GALNT10: variants seen among roughly 807,000 people sequenced by gnomAD.
The protein encoded by GALNT10 is GalNAc transferase 10.
In GALNT10, 41 loss-of-function variants were observed where a neutral mutation model predicts 75.0. The ratio of observed to expected loss-of-function variants is 0.55; its 90% confidence interval spans 0.43 to 0.71. GALNT10 has a LOEUF of 0.71. GALNT10 is among the 30% of genes least tolerant of loss of function. The pLI, the probability that GALNT10 is intolerant of heterozygous loss-of-function variation, is 0.00. For missense variants in GALNT10, 727 were observed against 818.5 expected, an observed-to-expected ratio of 0.89 and a Z score of 1.36; for synonymous variants, 302 against 313.0, an observed-to-expected ratio of 0.96 and a Z score of 0.37.
chr5:154,290,432 A>G (rs546640231), intron 1 of GALNT10, among the ~76,000 whole-genome samples: 6 of 151,900 alleles, frequency 3.9e-5, no homozygotes, highest in Non-Finnish European at 7.4e-5. Flanking sequence ...TAAGACTGAA[A>G]CTAGTTTTCC....
intron 1 of GALNT10, among the ~76,000 whole-genome samples, chr5:154,202,898 C>T (rs1225598929): frequency 6.6e-6 from 1 of 152,158 alleles, no homozygotes; most frequent in East Asian, 1.9e-4. Context: ...CCTTTCGCAG[C>T]CTAGACCCCC....
At chr5:154,195,573 G>A (rs1246391271) in intron 1 of GALNT10, among the ~76,000 whole-genome samples, 2 of 152,302 alleles carry the variant, frequency 1.3e-5, no homozygotes, top group East Asian at 3.9e-4. Flanking sequence ...ATATATCAGA[G>A]CAGGCAGGGG....
intron 3 of GALNT10, among the ~76,000 whole-genome samples, chr5:154,310,624 A>G (rs1157744659): frequency 6.6e-6 from 1 of 151,512 alleles, no homozygotes; most frequent in Non-Finnish European, 1.5e-5. Flanking sequence ...CATACCACCC[A>G]CCACACCTGG....
chr5:154,365,712 A>G (rs1443076451), intron 4 of GALNT10, among the ~76,000 whole-genome samples: 2 of 152,168 alleles, frequency 1.3e-5, no homozygotes, highest in African/African-American at 4.8e-5. Flanking sequence ...CCCCTAGGCC[A>G]CACCGCTGGG....
intron 1 of GALNT10, among the ~76,000 whole-genome samples, chr5:154,261,020 G>C (rs990265047): frequency 6.7e-6 from 1 of 150,132 alleles, no homozygotes; most frequent in Non-Finnish European, 1.5e-5. Context: ...TTATGGGATA[G>C]CCCTATTAAC....
At chr5:154,206,900 A>C (rs998051788) in intron 1 of GALNT10, among the ~76,000 whole-genome samples, 2 of 152,264 alleles carry the variant, frequency 1.3e-5, no homozygotes, top group Non-Finnish European at 2.9e-5. Flanking sequence ...CGCAGGAGCC[A>C]CAGGAGGCAG....
At chr5:154,304,241 A>G (rs942006677) in intron 3 of GALNT10, among the ~76,000 whole-genome samples, 1 of 152,208 alleles carries the variant, frequency 6.6e-6, no homozygotes, top group African/African-American at 2.4e-5. Flanking sequence ...TCCAAATTGG[A>G]TAACAACTGT....
chr5:154,197,866 G>GCA (rs1162065275), intron 1 of GALNT10, among the ~76,000 whole-genome samples: 4 of 152,176 alleles, frequency 2.6e-5, no homozygotes, highest in African/African-American at 9.7e-5. Flanking sequence ...GCCCAAGGAT[G>GCA]CACAGCCTGT....
At position 154,227,012 on chromosome 5, in the gene GALNT10, T is replaced by C. The variant is rs1753073770; in HGVS notation, c.159+35987T>C. ...TATTTTGAGATTCATTCATGTAGCATGTATCAATAGTTTGTTCCCTTTTTA... is the reference window on the plus strand; with the variant it reads ...TATTTTGAGATTCATTCATGTAGCACGTATCAATAGTTTGTTCCCTTTTTA... On this transcript the variant is annotated intron_variant, in intron 1 of 11. Coordinates refer to ENST00000297107, the MANE Select transcript of GALNT10 (RefSeq NM_198321.4). Among the ~76,000 whole-genome samples the C allele has an allele frequency of 6.6e-5, 10 of 152,350 alleles. No homozygotes were observed. The South Asian group carries it at 2.1e-3, about 32-fold the overall frequency.
chr5:154,370,441 A>G (rs1189033945), intron 4 of GALNT10, among the ~76,000 whole-genome samples: 1 of 152,166 alleles, frequency 6.6e-6, no homozygotes, highest in African/African-American at 2.4e-5. Context: ...TACATCAGGA[A>G]AGGCTTTGTA....
rs115494153 is a variant in GALNT10 at position 154,205,487 on chromosome 5, G to A, written c.159+14462G>A. Among the ~76,000 whole-genome samples the A allele has an allele frequency of 8.1e-3, 1,232 of 152,292 alleles. 9 individuals carry two copies. The highest frequency in any genetic ancestry group is 0.028 in the African/African-American group (1,170 of 41,552). On this transcript the variant is annotated intron_variant, in intron 1 of 11. Coordinates refer to ENST00000297107, the MANE Select transcript of GALNT10 (RefSeq NM_198321.4). ...GTCTTAAGGAAGAGGGCTGCTGGTC[G>A]TGCCCCAGGCTTTCCCAAGGACTGC...
chr5:154,297,830 C>T, intron 2 of GALNT10, 111 bp from the exon 3 acceptor site: 1 of 983,918 alleles, frequency 1.0e-6, no homozygotes, highest in South Asian at 1.6e-5. Flanking sequence ...GCTCTATATC[C>T]AAATCAAGTT....
chr5:154,231,683 G>T (rs1370037726), intron 1 of GALNT10, among the ~76,000 whole-genome samples: 1 of 152,150 alleles, frequency 6.6e-6, no homozygotes, highest in East Asian at 1.9e-4. Context: ...GTCTCCTGTG[G>T]GGGTAATGAG....
chr5:154,283,859 C>T (rs545562664), intron 1 of GALNT10, among the ~76,000 whole-genome samples: 2 of 152,188 alleles, frequency 1.3e-5, no homozygotes, highest in Non-Finnish European at 2.9e-5. Flanking sequence ...TTCACTCTTC[C>T]AGCTTAAGGC....
intron 1 of GALNT10, among the ~76,000 whole-genome samples, chr5:154,237,988 TG>T (rs1207406026): frequency 1.3e-5 from 2 of 152,220 alleles, no homozygotes; most frequent in Non-Finnish European, 2.9e-5. Flanking sequence ...AGAAGGCTTT[TG>T]GGGCCATTTG....
intron 3 of GALNT10, among the ~76,000 whole-genome samples, chr5:154,304,363 G>T (rs143210264): frequency 1.2e-4 from 18 of 152,232 alleles, no homozygotes; most frequent in Middle Eastern, 3.4e-3. Context: ...AGAAAAAAAT[G>T]TCAAAGCAGC....
intron 5 of GALNT10, among the ~76,000 whole-genome samples, chr5:154,378,833 C>T (rs1162453993): frequency 6.6e-6 from 1 of 152,222 alleles, no homozygotes; most frequent in Non-Finnish European, 1.5e-5. Flanking sequence ...CAGCCAGCAG[C>T]CAGCAGGGCA....
intron 6 of GALNT10, among the ~76,000 whole-genome samples, chr5:154,381,737 C>T (rs576677301): frequency 1.3e-5 from 2 of 152,222 alleles, no homozygotes; most frequent in Non-Finnish European, 2.9e-5. Flanking sequence ...CTCATGGCCC[C>T]TGCCTCCAAC....
At chr5:154,332,635 A>T (rs771600851) in intron 4 of GALNT10, among the ~76,000 whole-genome samples, 105 of 152,154 alleles carry the variant, frequency 6.9e-4, no homozygotes, top group Non-Finnish European at 1.4e-3. Context: ...AATGTTTGTG[A>T]ATGAGTGAAT....
Sources: allele counts gnomAD v4.1 joint callset (sites outside exome capture counted in the v4.1 genomes callset), GRCh38; gene constraint gnomAD v4.1.1; transcripts MANE v1.5; gene names NCBI Gene and HGNC (gene_info 2026-07-23, HGNC 2026-07-21).